The following DOP1B variants were observed in gnomAD, a reference collection of about 807,000 sequenced individuals.
DOP1B encodes DOP1 leucine zipper like protein B, also known as protein DOP1B.
A neutral mutation model predicts 233.5 loss-of-function variants in DOP1B; 174 were observed. The observed-to-expected ratio is 0.75, with a 90% confidence interval of 0.66 to 0.85. DOP1B has a LOEUF of 0.85. DOP1B is among the 40% of genes least tolerant of loss of function. DOP1B has a pLI of 0.00. For synonymous variants in DOP1B, 1,190 were observed against 1,185.6 expected (o/e 1.00, Z -0.08); for missense variants, 2,652 against 2,846.6 (o/e 0.93, Z 1.56).
At chr21:36,287,828 G>T (rs537385269) in intron 32 of DOP1B, among the ~76,000 whole-genome samples, 186 bp from the exon 33 acceptor site, 1 of 151,612 alleles carries the variant, frequency 6.6e-6, no homozygotes, top group Non-Finnish European at 1.5e-5. Flanking sequence ...CTTGTTATCC[G>T]CCCGCCTCGG....
In DOP1B at chr21:36,230,939, C is replaced by T. The variant is rs1347030605; in HGVS notation, c.2155C>T (p.Pro719Ser). 1 of 1,614,164 alleles carries T rather than the reference C, an allele frequency of 6.2e-7. No individual in the cohort carries two copies. Among genetic ancestry groups the T allele is most frequent in the Admixed American group, 1.7e-5 (1 of 60,010 alleles). The change falls in exon 14 of 37, where the codon CCC (proline) becomes TCC (serine). Residue 719 changes from proline to serine, a missense_variant. Physicochemically the swap from Pro to Ser is moderately conservative, Grantham distance 74. This residue lies in a region of DOP1B where 2,617 missense variants were observed against 2,794.3 expected (regional missense o/e 0.94). Transcript: ENST00000691173. ...AAGTTCAGAGTCACCATCGTCTTCGCCCAGCAGCCCTGCCAGGAAAAACGG... is the reference window on the plus strand; with the variant it reads ...AAGTTCAGAGTCACCATCGTCTTCGTCCAGCAGCCCTGCCAGGAAAAACGG... ...TKSSESPSSS[P>S]SSPARKNGGE...
chr21:36,287,789 A>G (rs2067503465), intron 32 of DOP1B, among the ~76,000 whole-genome samples: 3 of 151,486 alleles, frequency 2.0e-5, no homozygotes, highest in Non-Finnish European at 2.9e-5. Context: ...GTTTTACCAT[A>G]TTGGCCAGGC....
In DOP1B at chr21:36,253,789, T is replaced by G; in HGVS notation, c.5139T>G (p.Ser1713Arg). 1 of 1,613,328 alleles carries G rather than the reference T, an allele frequency of 6.2e-7. No homozygotes were observed. The highest frequency in any genetic ancestry group is 8.5e-7 in the Non-Finnish European group (1 of 1,179,562). The stretch of plus-strand genomic sequence containing the variant: ...CTTGGCAGATTATCCCAACGGCAAG[T>G]GCATCCCAGCTAACCCTTGTCGACT... The part of the protein sequence containing the change: ...HSKMKIIPTA[S>R]ASQLTLVDLV... The change falls in exon 23 of 37, where the codon AGT becomes AGG. Residue 1713 changes from serine (S) to arginine (R), a missense_variant. This residue lies in a region of DOP1B where 2,617 missense variants were observed against 2,794.3 expected (regional missense o/e 0.94). Transcript: ENST00000691173.
intron 23 of DOP1B, among the ~76,000 whole-genome samples, chr21:36,256,211 T>C (rs140052307): frequency 5.5e-4 from 84 of 152,262 alleles, no homozygotes; most frequent in African/African-American, 1.9e-3. Context: ...CTCATGCCTG[T>C]AGTCCTAGCA....
intron 24 of DOP1B, chr21:36,261,217 T>G (rs1378037764): frequency 1.2e-6 from 1 of 853,208 alleles, no homozygotes; most frequent in African/African-American, 1.8e-5. Flanking sequence ...ATACAAAAAT[T>G]AGTCCGGCAT....
chr21:36,262,365 G>T (rs1189807921), intron 24 of DOP1B, among the ~76,000 whole-genome samples: 1 of 152,164 alleles, frequency 6.6e-6, no homozygotes, highest in Non-Finnish European at 1.5e-5. Context: ...GTAAGTTGGA[G>T]AACCAGGACT....
chr21:36,223,195 T>C (rs539742056), intron 10 of DOP1B, 36 bp from the exon 11 acceptor site: 1 of 1,533,866 alleles, frequency 6.5e-7, no homozygotes, highest in South Asian at 1.3e-5. Context: ...AGGATTTTTT[T>C]ATAGACATAT....
chr21:36,263,680 A>G (rs762973239), intron 25 of DOP1B, 30 bp downstream of exon 25: 5 of 1,613,370 alleles, frequency 3.1e-6, no homozygotes, highest in Non-Finnish European at 3.4e-6. Flanking sequence ...TCATTGTGTA[A>G]TATTTTCTCT....
In DOP1B at chr21:36,181,439, C is replaced by T. The variant is rs371514445; in HGVS notation, c.138+16568C>T. 1.1e-3 allele frequency among the ~76,000 whole-genome samples: 163 copies of T among 152,188 alleles called. 2 individuals carry two copies. Among genetic ancestry groups the T allele is most frequent in the Middle Eastern group, 3.4e-3 (1 of 294 alleles). On this transcript the variant is annotated intron_variant, in intron 2 of 36. Coordinates refer to ENST00000691173, the MANE Select transcript of DOP1B (RefSeq NM_001320714.2). ...GATTACAGGCGTGTGCCACCACGCC[C>T]GGCTAATTTTTGTATTTTTAGTAGA...
intron 10 of DOP1B, among the ~76,000 whole-genome samples, chr21:36,220,470 G>A (rs2066611712): frequency 6.6e-6 from 1 of 152,056 alleles, no homozygotes. Context: ...AATTACACCA[G>A]TTATTTAGTT....
At position 36,177,304 on chromosome 21, in the gene DOP1B, GTA is replaced by G. The variant is rs536446655; in HGVS notation, c.138+12434_138+12435del. On this transcript the variant is annotated intron_variant, in intron 2 of 36. Transcript: ENST00000691173. Reference sequence around the variant, plus strand: ...AGCCTCAGTGAGGGCCACTCACACTGTAAGATCGAGATGGTCTTTTTGAAAAG... The same window carrying G: ...AGCCTCAGTGAGGGCCACTCACACTGAGATCGAGATGGTCTTTTTGAAAAG... 1.1e-4 allele frequency among the ~76,000 whole-genome samples: 17 copies of G among 152,352 alleles called. No homozygotes were observed. The South Asian group carries it at 3.5e-3, about 32-fold the overall frequency.
rs778751240 is a variant in DOP1B at position 36,237,244 on chromosome 21, GC to G, written c.2623-16del. ...GTGTTGACCTGGTCCCCCACCGCCT[GC>G]CTTTTCCTTGTCCCAGAGGGTGGCT... On this transcript the variant is annotated splice_polypyrimidine_tract_variant and intron_variant, in intron 15 of 36. Transcript: ENST00000691173. 11 of 1,614,134 alleles carry G rather than the reference GC, an allele frequency of 6.8e-6. No individual in the cohort carries two copies. Among genetic ancestry groups the G allele is most frequent in the Non-Finnish European group, 9.3e-6 (11 of 1,180,022 alleles).
At chr21:36,179,561 G>C (rs2066071586) in intron 2 of DOP1B, among the ~76,000 whole-genome samples, 1 of 152,202 alleles carries the variant, frequency 6.6e-6, no homozygotes, top group African/African-American at 2.4e-5. Context: ...AAAAAATTGG[G>C]AGTGACCACC....
intron 12 of DOP1B, 94 bp from the exon 13 acceptor site, chr21:36,227,592 C>T: frequency 1.9e-6 from 2 of 1,051,478 alleles, no homozygotes; most frequent in Non-Finnish European, 2.7e-6. Context: ...GAAATTTATG[C>T]CCTAAAAAAT....
intron 17 of DOP1B, among the ~76,000 whole-genome samples, chr21:36,239,473 G>A (rs1330702542): frequency 1.3e-5 from 2 of 152,188 alleles, no homozygotes; most frequent in African/African-American, 2.4e-5. Flanking sequence ...CAGGCACTCG[G>A]CCTTAGAGAC....
intron 18 of DOP1B, among the ~76,000 whole-genome samples, chr21:36,241,503 CTTTTTTTTTT>C (rs1165636640): frequency 7.8e-5 from 6 of 76,472 alleles, no homozygotes; most frequent in South Asian, 4.9e-4. Flanking sequence ...TTATCTTAAT[CTTTTTTTTTT>C]TTTTTTTTTT....
At chr21:36,289,424 G>GGTGTGTGT (rs59907412) in intron 35 of DOP1B, among the ~76,000 whole-genome samples, 3,870 of 144,596 alleles carry the variant, frequency 0.027, 68 homozygotes, top group Non-Finnish European at 0.038. Flanking sequence ...GTGTTTCTAT[G>GGTGTGTGT]GTGTGTGTGT....
rs946281749 is a variant in DOP1B, at chr21:36,194,417, G to A, written c.139-4653G>A. Among the ~76,000 whole-genome samples, 26 of 151,520 alleles carry A rather than the reference G, an allele frequency of 1.7e-4. 1 individual carries two copies. Among genetic ancestry groups the A allele is most frequent in the Non-Finnish European group, 2.9e-4 (20 of 67,940 alleles). On this transcript the variant is annotated intron_variant, in intron 2 of 36. Transcript: ENST00000691173. ...TTTATTTTTCTTACCACAAAGGAAG[G>A]ATATCTCTTCATTTTTCTAAGTCCT...
chr21:36,205,308 C>A (rs1423799347), intron 4 of DOP1B, among the ~76,000 whole-genome samples: 1 of 151,358 alleles, frequency 6.6e-6, no homozygotes, highest in East Asian at 1.9e-4. Context: ...AGAGCATAAG[C>A]TGGGATGAGT....
Sources: allele counts gnomAD v4.1 joint callset (sites outside exome capture counted in the v4.1 genomes callset), GRCh38; gene constraint gnomAD v4.1.1; regional missense constraint gnomAD v4.1.1; transcripts MANE v1.5; gene names NCBI Gene and HGNC (gene_info 2026-07-23, HGNC 2026-07-21).